ELSPBP1: variants seen among roughly 807,000 people sequenced by gnomAD.
ELSPBP1 encodes the protein epididymal sperm-binding protein 1.
ELSPBP1 carries 38 observed loss-of-function variants against 33.3 expected under a neutral mutation model. The ratio of observed to expected loss-of-function variants is 1.14; its 90% CI spans 0.88 to 1.50. The LOEUF is 1.50. Ranked by LOEUF, ELSPBP1 falls within the 40% of genes most tolerant of loss-of-function variation. ELSPBP1 has a pLI of 0.00. For missense variants in ELSPBP1, 267 were observed against 263.5 expected (o/e 1.01, Z -0.09); for synonymous variants, 85 against 94.1 (o/e 0.90, Z 0.56).
At chr19:48,015,853 T>C (rs375803359) in intron 3 of ELSPBP1, 40 bp from the exon 4 acceptor site, 3 of 1,567,786 alleles carry the variant, frequency 1.9e-6, no homozygotes, top group East Asian at 2.3e-5. Flanking sequence ...TGTGAACGAC[T>C]AGAGGAAGTT....
chr19:47,999,151 C>CT lies in ELSPBP1; in HGVS notation c.-18+4340_-18+4341insT, dbSNP rs1482209248. 7.9e-5 allele frequency among the ~76,000 whole-genome samples: 12 copies of CT among 152,320 alleles called. No homozygotes were observed. In the South Asian group the frequency reaches 8.3e-4, roughly 11 times the overall value. On this transcript the variant is annotated intron_variant, in intron 1 of 6. Transcript: ENST00000339841. ...GGCCTTCCCTGACCACCAAAGGAGACATCTGTCAGGCATGATTGTTTACAT... is the reference window on the plus strand; with the variant it reads ...GGCCTTCCCTGACCACCAAAGGAGACTATCTGTCAGGCATGATTGTTTACAT...
At chr19:47,998,070 T>C (rs1966927874) in intron 1 of ELSPBP1, among the ~76,000 whole-genome samples, 1 of 152,170 alleles carries the variant, frequency 6.6e-6, no homozygotes. Context: ...CACCATCTTT[T>C]CGTTCCTCTG....
chr19:48,000,461 T>G (rs372249779), intron 1 of ELSPBP1, among the ~76,000 whole-genome samples: 3 of 151,696 alleles, frequency 2.0e-5, no homozygotes, highest in African/African-American at 7.3e-5. Context: ...AGCTGGTCTC[T>G]AACTCATGAC....
At chr19:48,010,152 A>G (rs2122309659) in intron 2 of ELSPBP1, among the ~76,000 whole-genome samples, 1 of 152,298 alleles carries the variant, frequency 6.6e-6, no homozygotes, top group Admixed American at 6.5e-5. Flanking sequence ...TTCGGTGAAC[A>G]CACAGCCATC....
At position 48,017,828 on chromosome 19, in the gene ELSPBP1, T is replaced by C. The variant is rs568300110; in HGVS notation, c.355+1789T>C. Among the ~76,000 whole-genome samples the C allele has an allele frequency of 2.7e-5, 4 of 150,544 alleles. No individual in the cohort carries two copies. The South Asian group carries it at 6.3e-4, about 24-fold the overall frequency. ...GGGAGGATTCCTTGAGCCCAGGAGT[T>C]TGAGGCTGCAGTGAGCTATGATCAC... On this transcript the variant is annotated intron_variant, in intron 4 of 6. Coordinates refer to ENST00000339841, the MANE Select transcript of ELSPBP1 (RefSeq NM_022142.5).
rs1359280153 is a variant in ELSPBP1, at chr19:48,016,532, C to T, written c.355+493C>T. Among the ~76,000 whole-genome samples the T allele has an allele frequency of 5.5e-3, 284 of 51,886 alleles. 3 individuals are homozygous for T. The highest frequency in any genetic ancestry group is 9.6e-3 in the Non-Finnish European group (187 of 19,386). The allele number at this position is 51,886 out of a possible 152,430, so 34.0% of individuals were successfully genotyped here. On this transcript the variant is annotated intron_variant, in intron 4 of 6. Transcript: ENST00000339841. ...TCTTTCTTTCTTTCTTTCTTTCTTC[C>T]TTCCTTCCTTCCTTCCTTCCTTCCT... is the stretch of plus-strand genomic sequence containing the variant.
intron 2 of ELSPBP1, among the ~76,000 whole-genome samples, chr19:48,009,000 G>T (rs145708592): frequency 0.062 from 9,484 of 152,056 alleles, 511 homozygotes; most frequent in Admixed American, 0.14. Context: ...GCCAGGCATG[G>T]TGGTGAGCGC....
chr19:48,005,550 A>G (rs1967009518), intron 1 of ELSPBP1, among the ~76,000 whole-genome samples: 1 of 152,218 alleles, frequency 6.6e-6, no homozygotes, highest in African/African-American at 2.4e-5. Flanking sequence ...GTATCTCAAC[A>G]GCCAAAGCTT....
At chr19:48,020,744 C>T (rs1268799455) in intron 5 of ELSPBP1, among the ~76,000 whole-genome samples, 3 of 152,146 alleles carry the variant, frequency 2.0e-5, no homozygotes, top group Non-Finnish European at 4.4e-5. Context: ...TATTCCAGTG[C>T]CTGCCCTATC....
At chr19:48,006,601 G>A (rs1320934135) in intron 1 of ELSPBP1, among the ~76,000 whole-genome samples, 8 of 121,554 alleles carry the variant, frequency 6.6e-5, no homozygotes, top group Admixed American at 1.1e-4. Context: ...GCGTCTGGGC[G>A]ACAGAGTGAG....
intron 4 of ELSPBP1, 121 bp from the exon 5 acceptor site, chr19:48,019,598 T>G: frequency 8.6e-6 from 8 of 924,890 alleles, no homozygotes; most frequent in Non-Finnish European, 1.1e-5. Context: ...GGAAGTTGCT[T>G]GGAGAATCCA....
chr19:48,024,761 T>A (rs1321461781), intron 6 of ELSPBP1, among the ~76,000 whole-genome samples, 191 bp from the exon 7 acceptor site: 1 of 152,146 alleles, frequency 6.6e-6, no homozygotes. Context: ...ATTGAGGAGC[T>A]CATTGTTCAT....
chr19:48,001,999 C>A (rs1372196075), intron 1 of ELSPBP1, among the ~76,000 whole-genome samples: 2 of 152,096 alleles, frequency 1.3e-5, no homozygotes, highest in Admixed American at 1.3e-4. Context: ...GACTGGCCCG[C>A]AAAATCCACT....
intron 1 of ELSPBP1, among the ~76,000 whole-genome samples, chr19:47,995,795 G>A (rs1207364412): frequency 1.3e-5 from 2 of 152,192 alleles, no homozygotes; most frequent in East Asian, 1.9e-4. Context: ...CTGACTTGGA[G>A]TTCAGAGAGG....
rs34961390 is a variant in ELSPBP1 at position 48,003,539 on chromosome 19, C to CTTTTTT, written c.-17-5100_-17-5095dup. On this transcript the variant is annotated intron_variant, in intron 1 of 6. Transcript: ENST00000339841. ...TGAATGAATAAATGCCACCCCTGCTCTTTTTTTTTTTTTTTTTGATGGAGT... is the reference window on the plus strand; with the variant it reads ...TGAATGAATAAATGCCACCCCTGCTCTTTTTTTTTTTTTTTTTTTTTTTGATGGAGT... Among the ~76,000 whole-genome samples, 7 of 138,888 alleles carry CTTTTTT rather than the reference C, an allele frequency of 5.0e-5. 2 individuals are homozygous for CTTTTTT. Among genetic ancestry groups the CTTTTTT allele is most frequent in the Non-Finnish European group, 6.2e-5 (4 of 64,402 alleles). 91.1% of individuals were successfully genotyped at this position (138,888 alleles called of 152,430 possible).
intron 6 of ELSPBP1, among the ~76,000 whole-genome samples, chr19:48,024,054 T>G (rs1242166895): frequency 7.5e-6 from 1 of 133,306 alleles, no homozygotes; most frequent in Non-Finnish European, 1.7e-5. Context: ...TTTTTTTTTT[T>G]TGTATTTTTA....
At chr19:48,003,071 C>G (rs955383179) in intron 1 of ELSPBP1, among the ~76,000 whole-genome samples, 10 of 152,130 alleles carry the variant, frequency 6.6e-5, no homozygotes, top group African/African-American at 2.4e-4. Flanking sequence ...GGGCTCAGGA[C>G]AGAGGGTTCT....
chr19:48,023,517 A>AGGAAGGG (rs1967233912), intron 6 of ELSPBP1, among the ~76,000 whole-genome samples: 1 of 33,642 alleles, frequency 3.0e-5, no homozygotes, highest in African/African-American at 5.2e-5. Context: ...GGAAGGAAAT[A>AGGAAGGG]AGGAAGGAAG....
At position 48,022,198 on chromosome 19, in the gene ELSPBP1, T is replaced by A; in HGVS notation, c.543T>A (p.Pro181=). 1 of 1,613,546 alleles carries A rather than the reference T, an allele frequency of 6.2e-7. No individual in the cohort carries two copies. Among genetic ancestry groups the A allele is most frequent in the Non-Finnish European group, 8.5e-7 (1 of 1,179,778 alleles). ...TRISALVPGF[P]CHFPFNYKNK... is the part of the protein sequence containing the mutation. ...TTTCCGCGTTGGTCCCTGGCTTTCC[T>A]TGTCACTTTCCGTTCAACTATAAAA... The change falls in exon 6 of 7, where the codon CCT becomes CCA. Residue 181 remains proline, a synonymous_variant. Transcript: ENST00000339841.
Sources: gnomAD v4.1 joint callset for allele counts (sites outside exome capture counted in the v4.1 genomes callset) on GRCh38, gnomAD v4.1.1 for gene constraint, MANE v1.5 for transcripts, NCBI Gene and HGNC (gene_info 2026-07-23, HGNC 2026-07-21) for gene names.